The following MBNL1 variants were observed in gnomAD, a reference collection of about 807,000 sequenced individuals.
The protein encoded by MBNL1 is muscleblind-like protein 1.
In MBNL1, 8 loss-of-function variants were observed where a neutral mutation model predicts 42.2. The ratio of observed to expected loss-of-function variants is 0.19; its 90% CI spans 0.11 to 0.34. The LOEUF is 0.34. MBNL1 is among the 10% of genes least tolerant of loss of function. The pLI is 1.00. For synonymous variants in MBNL1, 169 were observed against 173.9 expected (o/e 0.97, Z 0.22); for missense variants, 309 against 495.3 (o/e 0.62, Z 3.57).
chr3:152,279,833 C>G (rs2047378603), intron 1 of MBNL1, among the ~76,000 whole-genome samples: 1 of 152,072 alleles, frequency 6.6e-6, no homozygotes. Context: ...TTATTTTATG[C>G]TTTTATGTTA....
intron 2 of MBNL1, among the ~76,000 whole-genome samples, chr3:152,345,496 G>A (rs939318): frequency 1.3e-5 from 2 of 152,026 alleles, no homozygotes; most frequent in South Asian, 2.1e-4. Flanking sequence ...TGTGGAAATA[G>A]GACTTTGATA....
intron 1 of MBNL1, among the ~76,000 whole-genome samples, chr3:152,272,765 A>T (rs1365579137): frequency 1.3e-5 from 2 of 152,194 alleles, no homozygotes; most frequent in East Asian, 3.8e-4. Flanking sequence ...CTGTCTTTAT[A>T]ATTTGAACAC....
intron 2 of MBNL1, among the ~76,000 whole-genome samples, chr3:152,347,694 GT>G (rs1197689012): frequency 2.0e-5 from 3 of 152,218 alleles, no homozygotes; most frequent in Non-Finnish European, 4.4e-5. Context: ...TGATCACCAT[GT>G]TACTCTGTGC....
At chr3:152,458,178 A>ATCCT in intron 8 of MBNL1, 3 of 1,613,842 alleles carry the variant, frequency 1.9e-6, no homozygotes, top group Non-Finnish European at 2.5e-6. Context: ...CCTGTCCTGC[A>ATCCT]GCAGCAGGAA....
intron 4 of MBNL1, among the ~76,000 whole-genome samples, chr3:152,442,671 C>G (rs1184664710): frequency 6.6e-6 from 1 of 152,104 alleles, no homozygotes; most frequent in Non-Finnish European, 1.5e-5. Flanking sequence ...ATCAGAGAAA[C>G]CAGATCAAAC....
intron 2 of MBNL1, among the ~76,000 whole-genome samples, chr3:152,366,877 C>G (rs1578786724): frequency 1.3e-5 from 2 of 152,030 alleles, no homozygotes; most frequent in East Asian, 3.9e-4. Context: ...CCTTAATTAA[C>G]AGTGAAGGGA....
intron 2 of MBNL1, among the ~76,000 whole-genome samples, chr3:152,380,847 TAC>T (rs2097150596): frequency 1.3e-5 from 2 of 152,100 alleles, no homozygotes. Context: ...TTTGTGGCAC[TAC>T]ACACACAGAC....
chr3:152,385,453 A>G (rs560764107), intron 2 of MBNL1, among the ~76,000 whole-genome samples: 3 of 152,074 alleles, frequency 2.0e-5, no homozygotes, highest in Non-Finnish European at 4.4e-5. Context: ...TAGATGTTAA[A>G]ATCTTCATGG....
intron 2 of MBNL1, among the ~76,000 whole-genome samples, chr3:152,348,075 A>G (rs2094503550): frequency 6.6e-6 from 1 of 152,104 alleles, no homozygotes; most frequent in South Asian, 2.1e-4. Context: ...AATTAAGATG[A>G]TATTTACCAT....
Position 152,426,637 on chromosome 3 carries a change from TA to T in MBNL1, c.346-6079del, listed in dbSNP as rs1049966385. ...AGTGGTTATAAAGAGCTTTGCATGATATCTGGAGTTTCTCTAGTAATGGTCT... is the reference window on the plus strand; with the variant it reads ...AGTGGTTATAAAGAGCTTTGCATGATTCTGGAGTTTCTCTAGTAATGGTCT... On this transcript the variant is annotated intron_variant, in intron 3 of 9. Transcript: ENST00000324210. 2.4e-4 allele frequency among the ~76,000 whole-genome samples: 37 copies of T among 152,306 alleles called. 1 individual carries two copies. The Middle Eastern group carries it at 0.024, about 98-fold the overall frequency.
chr3:152,395,350 TTAAA>T (rs1266803658), intron 2 of MBNL1, among the ~76,000 whole-genome samples: 1 of 152,234 alleles, frequency 6.6e-6, no homozygotes, highest in Non-Finnish European at 1.5e-5. Flanking sequence ...AACTTTTTGT[TTAAA>T]TAAAATGCAG....
chr3:152,319,614 GTTTTTTTTTTTTTTT>G (rs202070328), intron 2 of MBNL1, among the ~76,000 whole-genome samples: 2 of 80,534 alleles, frequency 2.5e-5, no homozygotes, highest in Non-Finnish European at 4.6e-5. Flanking sequence ...GTTCTATACT[GTTTTTTTTTTTTTTT>G]TTTTTTTTTT....
At chr3:152,455,520 T>C in intron 6 of MBNL1, 22 bp from the exon 7 acceptor site, 1 of 1,607,812 alleles carries the variant, frequency 6.2e-7, no homozygotes. Context: ...TCCACCTTCC[T>C]GTTGCAATGC....
At chr3:152,377,952 A>G (rs2096985316) in intron 2 of MBNL1, among the ~76,000 whole-genome samples, 1 of 152,176 alleles carries the variant, frequency 6.6e-6, no homozygotes, top group Admixed American at 6.6e-5. Context: ...GAAGGAAACG[A>G]TATTATTTGA....
At chr3:152,424,805 G>C (rs2098887554) in intron 3 of MBNL1, among the ~76,000 whole-genome samples, 1 of 152,130 alleles carries the variant, frequency 6.6e-6, no homozygotes, top group African/African-American at 2.4e-5. Flanking sequence ...TGACAAACCT[G>C]ACAAAAGCAA....
intron 2 of MBNL1, among the ~76,000 whole-genome samples, chr3:152,376,505 A>G (rs918470567): frequency 6.6e-6 from 1 of 152,206 alleles, no homozygotes; most frequent in East Asian, 1.9e-4. Context: ...AAGCTGTTTT[A>G]GAAGTAAAAT....
intron 2 of MBNL1, among the ~76,000 whole-genome samples, chr3:152,376,343 G>A (rs944974135): frequency 1.3e-5 from 2 of 152,086 alleles, no homozygotes; most frequent in African/African-American, 4.8e-5. Flanking sequence ...ATTATCTCGA[G>A]GAAACATACA....
At chr3:152,263,019 T>A (rs183099265) in intron 2 of MBNL1, 2 of 152,342 alleles carry the variant, frequency 1.3e-5, no homozygotes, top group East Asian at 3.9e-4. Context: ...GACAGATGAA[T>A]TCAGGAGCTT....
At chr3:152,362,405 A>G (rs116129552) in intron 2 of MBNL1, among the ~76,000 whole-genome samples, 9 of 152,336 alleles carry the variant, frequency 5.9e-5, no homozygotes, top group African/African-American at 2.2e-4. Flanking sequence ...TAGTTGTATT[A>G]GTTTAACACT....
Sources: allele counts gnomAD v4.1 joint callset (sites outside exome capture counted in the v4.1 genomes callset), GRCh38; gene constraint gnomAD v4.1.1; transcripts MANE v1.5; gene names NCBI Gene and HGNC (gene_info 2026-07-23, HGNC 2026-07-21).